Variants in NAV1 observed in about 807,000 individuals in gnomAD.
NAV1 encodes neuron navigator 1, also known as pore membrane and/or filament interacting like protein 3.
NAV1 carries 18 observed loss-of-function variants against 175.2 expected under a neutral mutation model. The ratio of observed to expected loss-of-function variants is 0.10; its 90% CI spans 0.07 to 0.15. NAV1 has a LOEUF of 0.15. NAV1 is among the 10% of genes least tolerant of loss of function. The pLI, the probability that NAV1 is intolerant of heterozygous loss-of-function variation, is 1.00. For synonymous variants in NAV1, 897 were observed against 978.7 expected, an observed-to-expected ratio of 0.92 and a Z score of 1.56; for missense variants, 1,731 against 2,436.6, an observed-to-expected ratio of 0.71 and a Z score of 6.10.
intron 3 of NAV1, among the ~76,000 whole-genome samples, chr1:201,719,895 G>A (rs1041474868): frequency 6.6e-6 from 1 of 152,138 alleles, no homozygotes; most frequent in Non-Finnish European, 1.5e-5. Flanking sequence ...CCAAGCTCCA[G>A]GCCATCCACT....
chr1:201,602,952 A>G (rs568790052), intron 2 of NAV1, among the ~76,000 whole-genome samples: 53 of 152,176 alleles, frequency 3.5e-4, no homozygotes, highest in African/African-American at 1.3e-3. Context: ...CAGCTTCAAA[A>G]CCACAGAGGG....
chr1:201,693,869 C>G (rs985311724), intron 1 of NAV1, among the ~76,000 whole-genome samples: 1 of 152,132 alleles, frequency 6.6e-6, no homozygotes, highest in African/African-American at 2.4e-5. Flanking sequence ...ATGCTGAAGT[C>G]TCATGGTGCA....
At chr1:201,547,704 G>T (rs1269155701) in intron 1 of NAV1, among the ~76,000 whole-genome samples, 1 of 152,202 alleles carries the variant, frequency 6.6e-6, no homozygotes, top group Non-Finnish European at 1.5e-5. Context: ...CATGTCATAT[G>T]TAATGATAGA....
intron 1 of NAV1, among the ~76,000 whole-genome samples, chr1:201,661,726 G>A (rs781575235): frequency 2.0e-5 from 3 of 152,142 alleles, no homozygotes; most frequent in Non-Finnish European, 2.9e-5. Context: ...AGCCCCATCA[G>A]CATTTCAGGG....
intron 1 of NAV1, among the ~76,000 whole-genome samples, chr1:201,677,544 T>G (rs984831070): frequency 6.6e-6 from 1 of 152,102 alleles, no homozygotes; most frequent in Non-Finnish European, 1.5e-5. Context: ...CGGTGCTTTT[T>G]TCATTTCTAG....
chr1:201,654,355 T>C (rs571899838), intron 1 of NAV1, among the ~76,000 whole-genome samples: 1 of 152,156 alleles, frequency 6.6e-6, no homozygotes, highest in South Asian at 2.1e-4. Context: ...CCACTTTCTC[T>C]GCCCAATTTG....
chr1:201,642,130 CTT>C (rs1235700563), intron 2 of NAV1, among the ~76,000 whole-genome samples: 3 of 147,968 alleles, frequency 2.0e-5, no homozygotes, highest in African/African-American at 5.0e-5. Flanking sequence ...TTTCTTCTCT[CTT>C]TCTTTCTTTC....
intron 29 of NAV1, among the ~76,000 whole-genome samples, chr1:201,818,248 G>C (rs751173765): frequency 6.6e-6 from 1 of 152,078 alleles, no homozygotes; most frequent in Non-Finnish European, 1.5e-5. Context: ...AGATATGAAG[G>C]CCAGGCGTGG....
intron 3 of NAV1, among the ~76,000 whole-genome samples, chr1:201,741,183 T>C (rs904276550): frequency 9.9e-5 from 15 of 152,088 alleles, no homozygotes; most frequent in Admixed American, 7.2e-4. Flanking sequence ...AAGCAAAGAA[T>C]TGGGCAAGGC....
At chr1:201,599,075 C>T (rs1432923618) in intron 2 of NAV1, among the ~76,000 whole-genome samples, 2 of 152,228 alleles carry the variant, frequency 1.3e-5, no homozygotes, top group African/African-American at 2.4e-5. Flanking sequence ...GGCCAGATCT[C>T]TGCCTGCTGA....
chr1:201,678,994 C>A (rs1274404538), intron 1 of NAV1, among the ~76,000 whole-genome samples: 24 of 152,008 alleles, frequency 1.6e-4, no homozygotes, highest in Non-Finnish European at 1.5e-5. Flanking sequence ...GTCGGGGAGC[C>A]CAGAAGGGAG....
chr1:201,724,175 T>A (rs1364864591), intron 3 of NAV1: 2 of 152,236 alleles, frequency 1.3e-5, no homozygotes, highest in East Asian at 1.9e-4. Flanking sequence ...GGCTGCTGAC[T>A]GTCCTAGATG....
At chr1:201,647,497 G>A (rs940569782), upstream of NAV1, among the ~76,000 whole-genome samples, 2 of 152,142 alleles carry the variant, frequency 1.3e-5, no homozygotes, top group African/African-American at 4.8e-5. Context: ...CAGAACCAGA[G>A]GGGTTCAATG....
chr1:201,587,514 C>T (rs1667070535), intron 1 of NAV1, among the ~76,000 whole-genome samples: 1 of 151,714 alleles, frequency 6.6e-6, no homozygotes, highest in South Asian at 2.1e-4. Flanking sequence ...GGCAAAACCT[C>T]ATCTTTACAA....
intron 1 of NAV1, among the ~76,000 whole-genome samples, chr1:201,690,508 G>T (rs1342764876): frequency 6.8e-6 from 1 of 146,110 alleles, no homozygotes; most frequent in Non-Finnish European, 1.5e-5. Context: ...GTCTGTGGCA[G>T]AGTGCTGGCT....
chr1:201,793,665 C>T lies in NAV1; in HGVS notation c.3322-127C>T, dbSNP rs374770324. The T allele has an allele frequency of 3.0e-5, 23 of 754,580 alleles. 1 individual carries two copies. Among genetic ancestry groups the T allele is most frequent in the Middle Eastern group, 2.4e-4 (1 of 4,216 alleles). 46.7% of individuals were successfully genotyped at this position (754,580 alleles called of 1,614,324 possible). A position where few individuals can be genotyped will look rare whatever the true frequency, so the allele number is the denominator to read the frequency against. On this transcript the variant is annotated intron_variant, in intron 13 of 29. Transcript: ENST00000367296. ...GGAAAATCAATATTTTTTTAACCAC[C>T]AAGAGGTTTGCTGGCATTGGTCAGC...
In NAV1 at chr1:201,813,439, T is replaced by C. The variant is rs1678817378; in HGVS notation, c.5340+181T>C. Among the ~76,000 whole-genome samples the C allele has an allele frequency of 6.6e-6, 1 of 152,200 alleles. No homozygotes were observed. Among genetic ancestry groups the C allele is most frequent in the Non-Finnish European group, 1.5e-5 (1 of 68,034 alleles). On this transcript the variant is annotated intron_variant, in intron 28 of 29. Coordinates refer to ENST00000367296, the Ensembl canonical transcript of NAV1. This position sits in a 1 kb window ranked among gnomAD's most constrained non-coding sequence, Gnocchi z 4.2. ...CTGCCTCCAGCTGCCATTCAGCAAA[T>C]GGTACAATGACCACTGCCTCTGGGG... is the stretch of plus-strand genomic sequence containing the variant.
At chr1:201,594,494 G>C (rs556870306) in intron 2 of NAV1, among the ~76,000 whole-genome samples, 1 of 152,326 alleles carries the variant, frequency 6.6e-6, no homozygotes, top group African/African-American at 2.4e-5. Context: ...CAGAGGCGAA[G>C]CCGGGTTAGT....
intron 1 of NAV1, among the ~76,000 whole-genome samples, chr1:201,683,464 A>G (rs1670548127): frequency 6.6e-6 from 1 of 152,086 alleles, no homozygotes; most frequent in African/African-American, 2.4e-5. Context: ...TCTCATAAGG[A>G]GTGTGCACCC....
Sources: gnomAD v4.1 joint callset for allele counts (sites outside exome capture counted in the v4.1 genomes callset) on GRCh38, gnomAD v4.1.1 for gene constraint, Gnocchi (gnomAD v3.1) non-coding constraint, MANE v1.5 for transcripts, NCBI Gene and HGNC (gene_info 2026-07-23, HGNC 2026-07-21) for gene names.